Variants in POTEJ observed in about 807,000 individuals in gnomAD.
The protein encoded by POTEJ is POTE ankyrin domain family member J, also known as POTE ankyrin domain family, member J.
Under a neutral mutation model 69.0 loss-of-function variants are expected in POTEJ, and 11 were observed. The observed-to-expected ratio is 0.16, with a 90% CI of 0.10 to 0.26. POTEJ has a LOEUF of 0.26. Ranked by LOEUF, POTEJ falls within the 10% of genes least tolerant of loss-of-function variation. The probability of loss-of-function intolerance (pLI) is 1.00; values close to 1 mark genes in which losing one functional copy is unlikely to be tolerated. For missense variants in POTEJ, 327 were observed against 1,045.5 expected (o/e 0.31, Z 9.48); for synonymous variants, 117 against 381.1 (o/e 0.31, Z 8.07).
intron 1 of POTEJ, among the ~76,000 whole-genome samples, chr2:130,612,684 A>T (rs1685255572): frequency 7.8e-6 from 1 of 128,778 alleles, no homozygotes; most frequent in Non-Finnish European, 1.6e-5. Flanking sequence ...AATGGCGTGA[A>T]CTCGGGAGGC....
At chr2:130,641,264 T>G (rs1686361981) in intron 10 of POTEJ, among the ~76,000 whole-genome samples, 1 of 152,158 alleles carries the variant, frequency 6.6e-6, no homozygotes, top group Admixed American at 6.6e-5. Context: ...TAGTCAGCTA[T>G]AGTTTCCATG....
chr2:130,633,441 G>C (rs1234997311), intron 9 of POTEJ, among the ~76,000 whole-genome samples: 1 of 136,708 alleles, frequency 7.3e-6, no homozygotes, highest in East Asian at 1.9e-4. Context: ...ATTATCAAAA[G>C]TAAATCATTA....
At chr2:130,641,637 C>T (rs567607669) in intron 10 of POTEJ, among the ~76,000 whole-genome samples, 52 of 151,552 alleles carry the variant, frequency 3.4e-4, no homozygotes, top group African/African-American at 1.2e-3. Flanking sequence ...TTAACCTGGA[C>T]ATGAGGAAGG....
At chr2:130,647,364 GA>G (rs1481619514) in intron 13 of POTEJ, among the ~76,000 whole-genome samples, 1 of 151,108 alleles carries the variant, frequency 6.6e-6, no homozygotes, top group Non-Finnish European at 1.5e-5. Flanking sequence ...TGAAATATTG[GA>G]CCCTCAATCT....
intron 9 of POTEJ, 149 bp downstream of exon 9, chr2:130,632,805 A>G (rs1312326985): frequency 1.6e-6 from 2 of 1,232,572 alleles, no homozygotes; most frequent in Non-Finnish European, 2.3e-6. Flanking sequence ...TCAGCGAACA[A>G]TGAGTTACCA....
chr2:130,637,667 C>T (rs1171924306), intron 9 of POTEJ, among the ~76,000 whole-genome samples: 1 of 152,198 alleles, frequency 6.6e-6, no homozygotes, highest in Non-Finnish European at 1.5e-5. Context: ...GTGTTGTGTA[C>T]AAAATATATT....
intron 13 of POTEJ, among the ~76,000 whole-genome samples, chr2:130,650,110 C>G (rs1393512863): frequency 6.6e-6 from 1 of 152,274 alleles, no homozygotes; most frequent in South Asian, 2.1e-4. Flanking sequence ...GGGATGCTCT[C>G]TAACGTAATT....
intron 6 of POTEJ, among the ~76,000 whole-genome samples, chr2:130,626,603 A>G (rs1324001394): frequency 3.9e-5 from 6 of 152,140 alleles, no homozygotes; most frequent in African/African-American, 1.5e-4. Context: ...ACAAAACCAT[A>G]AGGCAGATTG....
At chr2:130,624,675 G>A (rs1206857723) in intron 6 of POTEJ, among the ~76,000 whole-genome samples, 2 of 151,840 alleles carry the variant, frequency 1.3e-5, no homozygotes, top group Non-Finnish European at 2.9e-5. Context: ...TGTGGCCTGG[G>A]AGTTGAGGAC....
intron 8 of POTEJ, among the ~76,000 whole-genome samples, chr2:130,632,179 C>T (rs1488293898): frequency 2.5e-4 from 38 of 151,060 alleles, no homozygotes; most frequent in African/African-American, 5.2e-4. Flanking sequence ...TAAATACATA[C>T]ATAAGATTCT....
At chr2:130,650,160 A>G (rs545860299) in intron 13 of POTEJ, among the ~76,000 whole-genome samples, 2 of 152,394 alleles carry the variant, frequency 1.3e-5, no homozygotes, top group East Asian at 1.9e-4. Context: ...TATCATCTCT[A>G]ACTTCAAACC....
In POTEJ at chr2:130,657,511, G is replaced by A; in HGVS notation, c.2751G>A (p.Trp917Ter). The A allele has an allele frequency of 6.4e-7, 1 of 1,569,390 alleles. No individual in the cohort carries two copies. ...AGGTCATCACCATCAGCAACGAGTG[G>A]TTCCGCTGCCCCGAGGCGCTCTTCC... ...DGQVITISNE[W>*]FRCPEALFQP... Residue 917 changes from tryptophan to a stop codon, truncating the protein, a stop_gained, in exon 15 of 15, where the codon TGG (tryptophan) becomes TGA (stop). Transcript: ENST00000409602. LOFTEE classifies it high-confidence loss of function.
intron 1 of POTEJ, among the ~76,000 whole-genome samples, chr2:130,613,250 A>G (rs1429715564): frequency 2.4e-4 from 32 of 134,116 alleles, no homozygotes; most frequent in South Asian, 6.8e-4. Flanking sequence ...ATATACATAT[A>G]TATACACATA....
chr2:130,657,029 C>T lies in POTEJ; in HGVS notation c.2269C>T (p.Leu757=). 6.3e-7 allele frequency: 1 copy of T among 1,582,516 alleles called. No homozygotes were observed. The highest frequency in any genetic ancestry group is 8.6e-7 in the Non-Finnish European group (1 of 1,157,310). ...CTGGCACCACACCTTCTACAACGAG[C>T]TGCGTGTGGCCCCCGAGGAGCACCC... ...KIWHHTFYNE[L]RVAPEEHPIL... The change falls in exon 15 of 15, where the codon CTG becomes TTG. Residue 757 remains leucine, a synonymous_variant. Coordinates refer to ENST00000409602, the MANE Select transcript of POTEJ (RefSeq NM_001277083.2).
intron 9 of POTEJ, among the ~76,000 whole-genome samples, chr2:130,637,495 G>A (rs1202305815): frequency 6.6e-6 from 1 of 151,388 alleles, no homozygotes; most frequent in Non-Finnish European, 1.5e-5. Context: ...ATTTTGCGCA[G>A]TCACTGGAAG....
intron 9 of POTEJ, among the ~76,000 whole-genome samples, chr2:130,633,789 TC>T (rs1685990827): frequency 7.0e-6 from 1 of 141,860 alleles, no homozygotes; most frequent in African/African-American, 2.8e-5. Context: ...TATAAACGTT[TC>T]AGTATATTGG....
chr2:130,651,799 A>G (rs1686815395), intron 13 of POTEJ, among the ~76,000 whole-genome samples: 1 of 145,360 alleles, frequency 6.9e-6, no homozygotes. Context: ...TTATCTCATT[A>G]AAAAGTTGTT....
chr2:130,641,200 A>G (rs1479876822), intron 10 of POTEJ, among the ~76,000 whole-genome samples: 2 of 152,120 alleles, frequency 1.3e-5, no homozygotes, highest in Non-Finnish European at 2.9e-5. Context: ...GTTTCCTGGG[A>G]TTGATGGGAG....
intron 5 of POTEJ, among the ~76,000 whole-genome samples, chr2:130,623,755 A>T (rs1685608041): frequency 1.4e-5 from 2 of 138,934 alleles, no homozygotes; most frequent in Non-Finnish European, 3.1e-5. Flanking sequence ...GTCCAAGAAC[A>T]AATAGCTGTT....
Sources: gnomAD v4.1 joint callset for allele counts (sites outside exome capture counted in the v4.1 genomes callset) on GRCh38, gnomAD v4.1.1 for gene constraint, MANE v1.5 for transcripts, NCBI Gene and HGNC (gene_info 2026-07-23, HGNC 2026-07-21) for gene names.